Variants in GRIK5 observed in about 807,000 individuals in gnomAD.
The protein encoded by GRIK5 is glutamate receptor ionotropic, kainate 5.
Under a neutral mutation model 97.4 loss-of-function variants are expected in GRIK5, and 43 were observed. The ratio of observed to expected loss-of-function variants is 0.44; its 90% CI spans 0.35 to 0.57. The LOEUF (loss-of-function observed/expected upper bound fraction) is 0.57. Among genes scored for constraint, GRIK5 ranks in the 20% least tolerant of loss-of-function variants. GRIK5 has a pLI of 0.01. For missense variants in GRIK5, 1,015 were observed against 1,382.0 expected, an observed-to-expected ratio of 0.73 and a Z score of 4.21; for synonymous variants, 580 against 583.5, an observed-to-expected ratio of 0.99 and a Z score of 0.09.
chr19:42,013,620 C>A (rs1404073540), intron 15 of GRIK5, among the ~76,000 whole-genome samples: 2 of 151,996 alleles, frequency 1.3e-5, no homozygotes, highest in Non-Finnish European at 1.5e-5. Flanking sequence ...CCATGTTAGC[C>A]AGGACGGTCT....
At chr19:42,018,149 T>TTA (rs2075649600) in intron 15 of GRIK5, among the ~76,000 whole-genome samples, 1 of 62,810 alleles carries the variant, frequency 1.6e-5, no homozygotes, top group Non-Finnish European at 2.7e-5. Context: ...CCATCTCTAC[T>TTA]AAAAAAAAAA....
At chr19:42,009,593 AC>A (rs1432443021) in intron 15 of GRIK5, among the ~76,000 whole-genome samples, 3 of 150,726 alleles carry the variant, frequency 2.0e-5, no homozygotes, top group African/African-American at 7.3e-5. Context: ...CATGGCGAAA[AC>A]CCTTCTCTAC....
Position 42,003,305 on chromosome 19 carries a change from G to GGGGGCC in GRIK5, c.2514+26_2514+27insGGCCCC. On this transcript the variant is annotated intron_variant, in intron 19 of 19. Transcript: ENST00000593562. This position sits in a 1 kb window ranked among gnomAD's most constrained non-coding sequence, Gnocchi z 4.2. ...TCAGCCCCTGGGGGTCCCTGTTCCTGCCCACCCCCACCCCCAGCCTCCTCA... is the reference window on the plus strand; with the variant it reads ...TCAGCCCCTGGGGGTCCCTGTTCCTGGGGGCCCCCACCCCCACCCCCAGCCTCCTCA... The GGGGGCC allele has an allele frequency of 1.9e-6, 3 of 1,540,728 alleles. No individual in the cohort carries two copies. The highest frequency in any genetic ancestry group is 2.7e-6 in the Non-Finnish European group (3 of 1,118,190).
chr19:41,999,041 T>TG lies in GRIK5; in HGVS notation c.2772dup (p.Thr925HisfsTer209). On this transcript the variant is annotated frameshift_variant, in exon 20 of 20. Coordinates refer to ENST00000593562, the MANE Select transcript of GRIK5 (RefSeq NM_002088.5). LOFTEE classifies it low-confidence loss of function (END_TRUNC). The surrounding 1 kb of genome is among the most constrained non-coding windows in gnomAD (Gnocchi z 5.0). ...CAGACGCGCACGTGGGTGCAGGGGG[T>TG]GGGGGCGGCGGGTCGGGCTCCGCTG... 1.6e-6 allele frequency: 1 copy of TG among 629,502 alleles called. No individual in the cohort carries two copies. Among genetic ancestry groups the TG allele is most frequent in the South Asian group, 5.3e-5 (1 of 18,730 alleles). The allele number at this position is 629,502 out of a possible 1,614,324, so 39.0% of individuals were successfully genotyped here. A position where few individuals can be genotyped will look rare whatever the true frequency, so the allele number is the denominator to read the frequency against.
In GRIK5 at chr19:42,062,929, C is replaced by T. The variant is rs1414665439; in HGVS notation, c.245-74G>A. 4 of 1,127,402 alleles carry T rather than the reference C, an allele frequency of 3.5e-6. No homozygotes were observed. Among genetic ancestry groups the T allele is most frequent in the Admixed American group, 1.8e-5 (1 of 56,646 alleles). The allele number at this position is 1,127,402 out of a possible 1,614,324, so 69.8% of individuals were successfully genotyped here. A position where few individuals can be genotyped will look rare whatever the true frequency, so the allele number is the denominator to read the frequency against. ...TCTCCTTCCCCATCCCTCAGGGAGCCGCCATGGCCCAGGAGAGGATCAGAC... is the reference window on the plus strand; with the variant it reads ...TCTCCTTCCCCATCCCTCAGGGAGCTGCCATGGCCCAGGAGAGGATCAGAC... On this transcript the variant is annotated intron_variant, in intron 3 of 19. Coordinates refer to ENST00000593562, the MANE Select transcript of GRIK5 (RefSeq NM_002088.5). The surrounding 1 kb of genome is among the most constrained non-coding windows in gnomAD (Gnocchi z 5.3).
At position 42,013,387 on chromosome 19, in the gene GRIK5, TTTTTTTTC is replaced by T. The variant is rs1203773765; in HGVS notation, c.1872-6585_1872-6578del. ...TAAAGATAAATATTTAAAAACATCT[TTTTTTTTC>T]TTTTTTTCTTTTCTTTTTTTTTTTT... On this transcript the variant is annotated intron_variant, in intron 15 of 19. Coordinates refer to ENST00000593562, the MANE Select transcript of GRIK5 (RefSeq NM_002088.5). Among the ~76,000 whole-genome samples the T allele has an allele frequency of 1.8e-3, 278 of 150,672 alleles. 2 individuals carry two copies. Among genetic ancestry groups the T allele is most frequent in the Non-Finnish European group, 3.2e-3 (215 of 67,622 alleles).
intron 12 of GRIK5, among the ~76,000 whole-genome samples, chr19:42,029,874 T>C (rs951941429): frequency 8.5e-5 from 13 of 152,078 alleles, no homozygotes; most frequent in Admixed American, 3.3e-4. Flanking sequence ...ATCCAAAAAG[T>C]CCACCAAATG....
In GRIK5 at chr19:42,054,519, G is replaced by C. The variant is rs774507399; in HGVS notation, c.904-47C>G. 3 of 1,594,700 alleles carry C rather than the reference G, an allele frequency of 1.9e-6. No homozygotes were observed. The South Asian group carries it at 3.3e-5, about 18-fold the overall frequency. ...GGTGGGATGGATAAGAGGCTGCCTA[G>C]GCAGAGGAGCCCCAAAGGCCCCTGA... On this transcript the variant is annotated intron_variant, in intron 8 of 19. Transcript: ENST00000593562.
intron 3 of GRIK5, among the ~76,000 whole-genome samples, chr19:42,064,421 AC>A (rs1001676379): frequency 2.7e-4 from 41 of 151,474 alleles, no homozygotes; most frequent in African/African-American, 9.2e-4. Context: ...TCAACCCCAT[AC>A]CCCCCCATTT....
chr19:42,004,381 C>T (rs1568879707), intron 17 of GRIK5, among the ~76,000 whole-genome samples: 1 of 152,170 alleles, frequency 6.6e-6, no homozygotes, highest in Non-Finnish European at 1.5e-5. Flanking sequence ...ACCCCACACA[C>T]CCTATTCTAT....
chr19:42,049,217 T>C (rs1394146447), intron 11 of GRIK5, among the ~76,000 whole-genome samples: 2 of 152,164 alleles, frequency 1.3e-5, no homozygotes, highest in African/African-American at 2.4e-5. Context: ...CCGCTGGGAA[T>C]GAAAGTGAAA....
intron 12 of GRIK5, among the ~76,000 whole-genome samples, chr19:42,031,168 G>A (rs887551214): frequency 3.9e-5 from 6 of 152,172 alleles, no homozygotes; most frequent in African/African-American, 1.4e-4. Flanking sequence ...CCCTGATCAC[G>A]TTGACAATAA....
chr19:42,003,722 C>A lies in GRIK5; in HGVS notation c.2264-39G>T. On this transcript the variant is annotated intron_variant, in intron 17 of 19. Coordinates refer to ENST00000593562, the MANE Select transcript of GRIK5 (RefSeq NM_002088.5). The surrounding 1 kb of genome is among the most constrained non-coding windows in gnomAD (Gnocchi z 4.2). ...CGAGGGGCTGGACCAGCCATCGGGC[C>A]CTGCAGCCCTGACCGCCCCAAACCC... is the stretch of plus-strand genomic sequence containing the variant. 6.4e-7 allele frequency: 1 copy of A among 1,554,558 alleles called. No individual in the cohort carries two copies. The highest frequency in any genetic ancestry group is 8.7e-7 in the Non-Finnish European group (1 of 1,151,028).
At chr19:42,063,221 C>T in intron 3 of GRIK5, 1 of 465,994 alleles carries the variant, frequency 2.1e-6, no homozygotes, top group South Asian at 1.5e-5. Context: ...GGTGCACTCA[C>T]CACCTCCTCC....
chr19:42,065,589 C>A lies in GRIK5; in HGVS notation c.79+103G>T. ...AACTGGAGGCTGGGATTCCTTGCTG[C>A]TGAAGAGAGCTGAGACCTGGACCCT... On this transcript the variant is annotated intron_variant, in intron 2 of 19. Coordinates refer to ENST00000593562, the MANE Select transcript of GRIK5 (RefSeq NM_002088.5). This position sits in a 1 kb window ranked among gnomAD's most constrained non-coding sequence, Gnocchi z 5.8. 9.1e-7 allele frequency: 1 copy of A among 1,095,972 alleles called. No individual in the cohort carries two copies. The highest frequency in any genetic ancestry group is 1.5e-5 in the South Asian group (1 of 67,754). 67.9% of individuals were successfully genotyped at this position (1,095,972 alleles called of 1,614,324 possible). A position where few individuals can be genotyped will look rare whatever the true frequency, so the allele number is the denominator to read the frequency against.
At chr19:42,049,510 A>G (rs2076085324) in intron 11 of GRIK5, among the ~76,000 whole-genome samples, 1 of 152,206 alleles carries the variant, frequency 6.6e-6, no homozygotes, top group Admixed American at 6.5e-5. Flanking sequence ...TTGCCAGAAG[A>G]AGCCAGTCTC....
At chr19:42,054,898 G>A (rs1258822718) in intron 8 of GRIK5, among the ~76,000 whole-genome samples, 1 of 152,150 alleles carries the variant, frequency 6.6e-6, no homozygotes, top group African/African-American at 2.4e-5. Flanking sequence ...ACACAGCTTG[G>A]GTGTGGTGTC....
At chr19:42,033,309 C>T (rs997480932) in intron 12 of GRIK5, among the ~76,000 whole-genome samples, 2 of 136,776 alleles carry the variant, frequency 1.5e-5, no homozygotes, top group Non-Finnish European at 3.1e-5. Context: ...GAAAGCAAGA[C>T]TCCGTCTCAA....
At position 42,022,297 on chromosome 19, in the gene GRIK5, C is replaced by T. The variant is rs767579096; in HGVS notation, c.1531G>A (p.Asp511Asn). The change falls in exon 13 of 20, where the codon GAC becomes AAC. Residue 511 changes from aspartate (D) to asparagine (N), a missense_variant. By Grantham distance (23) the Asp-to-Asn change is conservative. Transcript: ENST00000593562. The surrounding 1 kb of genome is among the most constrained non-coding windows in gnomAD (Gnocchi z 4.2). Reference protein sequence around the residue: ...TITAEREKVIDFSKPFMTLGI... With the variant: ...TITAEREKVINFSKPFMTLGI... Reference sequence around the variant, plus strand: ...AGGGTCATAAAGGGCTTGGAAAAGTCGATGACCTTCTCCCGCTCAGCTGTG... The same window carrying T: ...AGGGTCATAAAGGGCTTGGAAAAGTTGATGACCTTCTCCCGCTCAGCTGTG... The T allele has an allele frequency of 1.2e-6, 2 of 1,614,080 alleles. No individual in the cohort carries two copies. Among genetic ancestry groups the T allele is most frequent in the Non-Finnish European group, 1.7e-6 (2 of 1,180,000 alleles).
Sources: allele counts gnomAD v4.1 joint callset (sites outside exome capture counted in the v4.1 genomes callset), GRCh38; gene constraint gnomAD v4.1.1; non-coding constraint Gnocchi (gnomAD v3.1); transcripts MANE v1.5; gene names NCBI Gene and HGNC (gene_info 2026-07-23, HGNC 2026-07-21).